Variants in P2RY12 observed in about 807,000 individuals in gnomAD.
The protein encoded by P2RY12 is purinergic receptor P2Y12.
P2RY12 carries 3 observed loss-of-function variants against 4.5 expected under a neutral mutation model. The ratio of observed to expected loss-of-function variants is 0.67; its 90% confidence interval spans 0.31 to 1.74. P2RY12 has a LOEUF of 1.74. Ranked by LOEUF, P2RY12 falls within the 40% of genes most tolerant of loss-of-function variation. The pLI is 0.09. For missense variants in P2RY12, 356 were observed against 407.8 expected, an observed-to-expected ratio of 0.87 and a Z score of 1.09; for synonymous variants, 148 against 154.1, an observed-to-expected ratio of 0.96 and a Z score of 0.29.
intron 1 of P2RY12, among the ~76,000 whole-genome samples, chr3:151,355,418 A>G (rs1011907316): frequency 6.6e-6 from 1 of 152,196 alleles, no homozygotes; most frequent in African/African-American, 2.4e-5. Flanking sequence ...TCCTCGAAGG[A>G]TTAATTTTTA....
At position 151,337,723 on chromosome 3, in the gene P2RY12, A is replaced by G; in HGVS notation, c.*94T>C. 7 of 1,220,386 alleles carry G rather than the reference A, an allele frequency of 5.7e-6. No individual in the cohort carries two copies. Among genetic ancestry groups the G allele is most frequent in the Non-Finnish European group, 8.3e-6 (7 of 848,028 alleles). 75.6% of individuals were successfully genotyped at this position (1,220,386 alleles called of 1,614,324 possible). ...TCTTTAGAGTCATTATTATTAACTT[A>G]GTTGCTTCTTCGTCAGTTAATATTT... On this transcript the variant is annotated 3_prime_UTR_variant, in exon 3 of 3. Transcript: ENST00000302632.
At chr3:151,340,238 T>G (rs574542995) in intron 2 of P2RY12, among the ~76,000 whole-genome samples, 3 of 152,330 alleles carry the variant, frequency 2.0e-5, no homozygotes, top group Non-Finnish European at 4.4e-5. Context: ...GAAATTCGAC[T>G]TAGTGAATAT....
In P2RY12 at chr3:151,355,138, A is replaced by G; in HGVS notation, c.-179-14378T>C. The G allele has an allele frequency of 1.9e-6, 3 of 1,613,906 alleles. No homozygotes were observed. In the East Asian group the frequency reaches 6.7e-5, roughly 36 times the overall value. The stretch of plus-strand genomic sequence containing the variant: ...TTATGTAGTTGGGGACGAAGGACAA[A>G]AAGCCAGGAAGAACAAACAGGAGAC... On this transcript the variant is annotated intron_variant, in intron 1 of 2. Coordinates refer to ENST00000302632, the MANE Select transcript of P2RY12 (RefSeq NM_022788.5).
chr3:151,364,900 A>T, intron 1 of P2RY12: 1 of 1,010,788 alleles, frequency 9.9e-7, no homozygotes, highest in Non-Finnish European at 1.5e-6. Flanking sequence ...CCTGCCATTT[A>T]ATATGTCCTT....
At chr3:151,350,241 T>G in intron 1 of P2RY12, 1 of 1,602,810 alleles carries the variant, frequency 6.2e-7, no homozygotes, top group East Asian at 2.2e-5. Context: ...CCCATTGTGT[T>G]GCCTTTTGCC....
intron 1 of P2RY12, among the ~76,000 whole-genome samples, chr3:151,382,080 A>G (rs1296679936): frequency 2.0e-5 from 3 of 152,010 alleles, no homozygotes; most frequent in Non-Finnish European, 4.4e-5. Context: ...CTTTTCCAGC[A>G]TTAGTGTGAG....
chr3:151,371,232 C>T (rs1244482027), intron 1 of P2RY12, among the ~76,000 whole-genome samples: 2 of 152,140 alleles, frequency 1.3e-5, no homozygotes, highest in African/African-American at 2.4e-5. Flanking sequence ...TTCCTATCCA[C>T]CAGGATATAT....
chr3:151,368,689 T>TATTTC (rs1175917645), intron 1 of P2RY12, among the ~76,000 whole-genome samples: 484 of 41,954 alleles, frequency 0.012, 5 homozygotes, highest in Non-Finnish European at 0.014. Flanking sequence ...CATTTCATTT[T>TATTTC]ATTTCATTTC....
At chr3:151,356,025 G>T (rs1360203076) in intron 1 of P2RY12, 1 of 1,611,936 alleles carries the variant, frequency 6.2e-7, no homozygotes, top group East Asian at 2.2e-5. Context: ...CGGACTAATT[G>T]ACTTCGCAAT....
intron 1 of P2RY12, chr3:151,369,323 T>C (rs543140478): frequency 3.0e-5 from 18 of 606,078 alleles, no homozygotes; most frequent in Non-Finnish European, 4.6e-5. Context: ...TAAAGCAAGC[T>C]AATGGCAATT....
At chr3:151,357,770 C>G (rs1754108749) in intron 1 of P2RY12, among the ~76,000 whole-genome samples, 1 of 152,186 alleles carries the variant, frequency 6.6e-6, no homozygotes, top group Non-Finnish European at 1.5e-5. Context: ...CATACATTAT[C>G]ATCTTAGAAA....
intron 1 of P2RY12, among the ~76,000 whole-genome samples, chr3:151,345,700 T>A (rs1752453733): frequency 1.3e-5 from 2 of 151,926 alleles, no homozygotes; most frequent in African/African-American, 2.4e-5. Context: ...GTATTTTTAG[T>A]AGAGATGGAG....
intron 2 of P2RY12, 54 bp downstream of exon 2, chr3:151,340,542 C>T (rs1451453268): frequency 1.3e-5 from 2 of 152,534 alleles, no homozygotes; most frequent in Admixed American, 1.3e-4. Context: ...AATGTACACA[C>T]ATATCAGAGT....
chr3:151,338,871 A>G lies in P2RY12; in HGVS notation c.-14-12T>C. The G allele has an allele frequency of 6.2e-7, 1 of 1,608,082 alleles. No homozygotes were observed. The highest frequency in any genetic ancestry group is 8.5e-7 in the Non-Finnish European group (1 of 1,174,754). ...TTCTTGTTGGTTACCTAGAGAACAA[A>G]AGAGAGGATGGTTATTTTCAGCCTA... On this transcript the variant is annotated splice_polypyrimidine_tract_variant and intron_variant, in intron 2 of 2. Coordinates refer to ENST00000302632, the MANE Select transcript of P2RY12 (RefSeq NM_022788.5).
intron 1 of P2RY12, among the ~76,000 whole-genome samples, chr3:151,362,306 C>T (rs1754708296): frequency 6.6e-6 from 1 of 152,046 alleles, no homozygotes; most frequent in Non-Finnish European, 1.5e-5. Flanking sequence ...TAAAATTCAC[C>T]ATCCCTACCT....
intron 1 of P2RY12, among the ~76,000 whole-genome samples, chr3:151,357,007 G>A (rs1011275331): frequency 3.9e-5 from 6 of 152,050 alleles, no homozygotes. Flanking sequence ...TTTCAGCACT[G>A]GGTACTTCCT....
At chr3:151,351,487 T>C (rs1753232529) in intron 1 of P2RY12, among the ~76,000 whole-genome samples, 1 of 152,188 alleles carries the variant, frequency 6.6e-6, no homozygotes, top group East Asian at 1.9e-4. Flanking sequence ...TGAAACCTTC[T>C]TGTTGATGTG....
intron 1 of P2RY12, among the ~76,000 whole-genome samples, chr3:151,355,493 G>C (rs555711652): frequency 1.3e-5 from 2 of 152,234 alleles, no homozygotes; most frequent in East Asian, 1.9e-4. Flanking sequence ...TAATGAAATA[G>C]TTAGGTTATT....
intron 1 of P2RY12, chr3:151,367,742 G>A (rs777002012): frequency 5.0e-6 from 8 of 1,610,068 alleles, no homozygotes; most frequent in Admixed American, 1.7e-5. Flanking sequence ...GCAGCATGTC[G>A]CACTTCCCTC....
Sources: gnomAD v4.1 joint callset for allele counts (sites outside exome capture counted in the v4.1 genomes callset) on GRCh38, gnomAD v4.1.1 for gene constraint, MANE v1.5 for transcripts, NCBI Gene and HGNC (gene_info 2026-07-23, HGNC 2026-07-21) for gene names.